SPAG16: variants seen among roughly 807,000 people sequenced by gnomAD.
SPAG16 encodes the protein sperm associated antigen 16, also known as sperm-associated antigen 16 protein.
In SPAG16, 86 loss-of-function variants were observed where a neutral mutation model predicts 80.4. The ratio of observed to expected loss-of-function variants is 1.07; its 90% CI spans 0.90 to 1.28. SPAG16 has a LOEUF of 1.28. Among genes scored for constraint, SPAG16 ranks in the 50% most tolerant of loss-of-function variants. The pLI is 0.00. For missense variants in SPAG16, 870 were observed against 765.3 expected (o/e 1.14, Z -1.61); for synonymous variants, 294 against 265.9 (o/e 1.11, Z -1.03).
chr2:214,035,092 A>G (rs973450699), intron 13 of SPAG16, among the ~76,000 whole-genome samples: 6 of 152,044 alleles, frequency 3.9e-5, no homozygotes, highest in African/African-American at 1.4e-4. Flanking sequence ...GTGTCACAAC[A>G]AGTATTCAGC....
intron 10 of SPAG16, among the ~76,000 whole-genome samples, chr2:213,619,031 CTTAAAT>C (rs1480871615): frequency 3.9e-5 from 6 of 152,222 alleles, no homozygotes; most frequent in African/African-American, 1.4e-4. Context: ...TTAGCAATAA[CTTAAAT>C]TTAAGTTTAA....
At chr2:213,957,599 T>A (rs2044215806) in intron 12 of SPAG16, among the ~76,000 whole-genome samples, 1 of 152,178 alleles carries the variant, frequency 6.6e-6, no homozygotes, top group South Asian at 2.1e-4. Context: ...TTTAAATTAA[T>A]TACTGATGAA....
intron 9 of SPAG16, among the ~76,000 whole-genome samples, chr2:213,468,515 ATC>A (rs2072866720): frequency 1.5e-5 from 2 of 130,506 alleles, no homozygotes; most frequent in East Asian, 4.0e-4. Flanking sequence ...ATATATATAT[ATC>A]TATGTATTTA....
At chr2:213,957,931 C>A (rs750205391) in intron 12 of SPAG16, among the ~76,000 whole-genome samples, 1 of 152,134 alleles carries the variant, frequency 6.6e-6, no homozygotes, top group Non-Finnish European at 1.5e-5. Context: ...AAAGCCCCGA[C>A]TGGGAGGAGT....
chr2:214,321,563 C>G (rs948482556), intron 15 of SPAG16, among the ~76,000 whole-genome samples: 8 of 152,120 alleles, frequency 5.3e-5, no homozygotes, highest in African/African-American at 1.7e-4. Context: ...CCAAATTGTT[C>G]TAATTTACTT....
At chr2:213,857,301 G>A (rs1407687660) in intron 10 of SPAG16, among the ~76,000 whole-genome samples, 1 of 152,178 alleles carries the variant, frequency 6.6e-6, no homozygotes, top group Non-Finnish European at 1.5e-5. Context: ...AATCTAGAGA[G>A]GTAAAGTCAA....
intron 10 of SPAG16, among the ~76,000 whole-genome samples, chr2:213,625,279 C>T (rs1318262201): frequency 6.6e-6 from 1 of 152,064 alleles, no homozygotes; most frequent in Admixed American, 6.6e-5. Flanking sequence ...AGGAAACTTA[C>T]AATCATGGCA....
chr2:213,911,147 G>GT (rs1361952172), intron 11 of SPAG16, among the ~76,000 whole-genome samples: 1 of 152,072 alleles, frequency 6.6e-6, no homozygotes. Context: ...ATAGAAACAA[G>GT]TTTTTGTTTT....
At chr2:214,254,455 G>T (rs973001541) in intron 15 of SPAG16, among the ~76,000 whole-genome samples, 1 of 152,204 alleles carries the variant, frequency 6.6e-6, no homozygotes, top group Non-Finnish European at 1.5e-5. Context: ...TTTGAGATAC[G>T]TTCCGTTAAT....
At chr2:213,917,264 T>G (rs971574632) in intron 11 of SPAG16, among the ~76,000 whole-genome samples, 1 of 152,190 alleles carries the variant, frequency 6.6e-6, no homozygotes, top group Admixed American at 6.5e-5. Flanking sequence ...TTTGGGCTCT[T>G]TTTTTGGTTC....
At chr2:213,742,567 T>TG (rs1338746631) in intron 10 of SPAG16, among the ~76,000 whole-genome samples, 20 of 151,430 alleles carry the variant, frequency 1.3e-4, no homozygotes, top group Admixed American at 3.9e-4. Context: ...TTTTTTTTTT[T>TG]TTGAGACGAA....
intron 15 of SPAG16, among the ~76,000 whole-genome samples, chr2:214,204,637 A>G (rs2058093815): frequency 6.6e-6 from 1 of 152,210 alleles, no homozygotes; most frequent in Non-Finnish European, 1.5e-5. Context: ...AGAAAGCACC[A>G]CATCAAGGGA....
chr2:213,859,335 A>T (rs538482819), intron 10 of SPAG16, among the ~76,000 whole-genome samples: 1 of 152,078 alleles, frequency 6.6e-6, no homozygotes, highest in African/African-American at 2.4e-5. Context: ...ACAAAAACTT[A>T]TGTAGACAGA....
chr2:214,337,543 T>C lies in SPAG16; in HGVS notation c.1721-72597T>C, dbSNP rs1413135278. Among the ~76,000 whole-genome samples, 3 of 152,356 alleles carry C rather than the reference T, an allele frequency of 2.0e-5. No homozygotes were observed. The East Asian group carries it at 5.8e-4, about 29-fold the overall frequency. The stretch of plus-strand genomic sequence containing the variant: ...TTAGGAGTACCATGAGGATATAATG[T>C]TGTTTGGGCCCTGTTAAAATCAGGT... On this transcript the variant is annotated intron_variant, in intron 15 of 15. Coordinates refer to ENST00000331683, the MANE Select transcript of SPAG16 (RefSeq NM_024532.5).
At chr2:214,113,354 A>C (rs2053771289) in intron 14 of SPAG16, among the ~76,000 whole-genome samples, 1 of 151,954 alleles carries the variant, frequency 6.6e-6, no homozygotes. Flanking sequence ...ACTGAATTTG[A>C]ATGTTGTTGA....
At chr2:214,067,389 C>T (rs540499770) in intron 13 of SPAG16, among the ~76,000 whole-genome samples, 1 of 152,072 alleles carries the variant, frequency 6.6e-6, no homozygotes, top group East Asian at 1.9e-4. Flanking sequence ...TAATAGTAGT[C>T]CTTATTGTGA....
At chr2:213,557,276 T>C (rs1480131832) in intron 10 of SPAG16, among the ~76,000 whole-genome samples, 3 of 152,278 alleles carry the variant, frequency 2.0e-5, no homozygotes, top group Admixed American at 6.6e-5. Flanking sequence ...TCTTTGTTAT[T>C]GTTTTATTGT....
At chr2:214,206,999 C>A (rs569611352) in intron 15 of SPAG16, among the ~76,000 whole-genome samples, 55 of 152,190 alleles carry the variant, frequency 3.6e-4, no homozygotes, top group Admixed American at 5.9e-4. Flanking sequence ...TTGATCTCAA[C>A]CTCATTAAAG....
rs149008846 is a variant in SPAG16 at position 213,814,620 on chromosome 2, C to T, written c.1071-47865C>T. Among the ~76,000 whole-genome samples, 1,283 of 151,994 alleles carry T rather than the reference C, an allele frequency of 8.4e-3. 22 individuals are homozygous for T. The highest frequency in any genetic ancestry group is 0.028 in the African/African-American group (1,162 of 41,460). ...GCCTGGCCAACATAGTAAAACCCTG[C>T]CTCTACTAAAAATACAAAAATTACC... is the stretch of plus-strand genomic sequence containing the variant. On this transcript the variant is annotated intron_variant, in intron 10 of 15. Transcript: ENST00000331683.
Sources: allele counts gnomAD v4.1 joint callset (sites outside exome capture counted in the v4.1 genomes callset), GRCh38; gene constraint gnomAD v4.1.1; transcripts MANE v1.5; gene names NCBI Gene and HGNC (gene_info 2026-07-23, HGNC 2026-07-21).